The following ADORA1 variants were observed in gnomAD, a reference collection of about 807,000 sequenced individuals.
ADORA1 encodes the protein adenosine A1 receptor.
ADORA1 carries 6 observed loss-of-function variants against 19.9 expected under a neutral mutation model. The observed-to-expected ratio is 0.30, with a 90% CI of 0.17 to 0.59. The LOEUF (loss-of-function observed/expected upper bound fraction) is 0.59. Ranked by LOEUF, ADORA1 falls within the 20% of genes least tolerant of loss-of-function variation. The pLI is 0.87. For synonymous variants in ADORA1, 194 were observed against 188.4 expected (o/e 1.03, Z -0.24); for missense variants, 302 against 439.2 (o/e 0.69, Z 2.79).
chr1:203,146,315 T>C (rs1419801618), intron 3 of ADORA1, among the ~76,000 whole-genome samples: 1 of 152,146 alleles, frequency 6.6e-6, no homozygotes, highest in Non-Finnish European at 1.5e-5. Context: ...AGGGAGTTTC[T>C]AGGCTGAGGG....
In ADORA1 at chr1:203,128,336, A is replaced by G. The variant is rs192933709; in HGVS notation, c.-154A>G. On this transcript the variant is annotated 5_prime_UTR_variant, in exon 2 of 4. Transcript: ENST00000337894. The surrounding 1 kb of genome is among the most constrained non-coding windows in gnomAD (Gnocchi z 5.9). ...GACTATGAGCTGCCGCGCGTTGTCC[A>G]GAGCCCAGCCCAGCCCTACCGCGCG... is the stretch of plus-strand genomic sequence containing the variant. The G allele has an allele frequency of 4.6e-5, 59 of 1,288,938 alleles. No individual in the cohort carries two copies. In the Admixed American group the frequency reaches 1.3e-3, roughly 29 times the overall value. The allele number at this position is 1,288,938 out of a possible 1,614,324, so 79.8% of individuals were successfully genotyped here.
At position 203,129,150 on chromosome 1, in the gene ADORA1, G is replaced by A; in HGVS notation, c.309G>A (p.Val103=). ...SSILALLAIA[V]DRYLRVKIPL... ...TCCTGGCCCTGCTGGCAATTGCTGT[G>A]GACCGCTACCTCCGGGTCAAGATCC... is the stretch of plus-strand genomic sequence containing the variant. The change falls in exon 3 of 4, where the codon GTG becomes GTA. Residue 103 remains valine (V), a synonymous_variant. Coordinates refer to ENST00000337894, the MANE Select transcript of ADORA1 (RefSeq NM_000674.3). 1 of 1,613,466 alleles carries A rather than the reference G, an allele frequency of 6.2e-7. No individual in the cohort carries two copies. The highest frequency in any genetic ancestry group is 8.5e-7 in the Non-Finnish European group (1 of 1,179,680).
chr1:203,133,804 G>C (rs895406472), intron 3 of ADORA1, among the ~76,000 whole-genome samples: 1 of 152,268 alleles, frequency 6.6e-6, no homozygotes, highest in African/African-American at 2.4e-5. Context: ...TGGTGGAGGA[G>C]CTCGGCGTGC....
At position 203,127,770 on chromosome 1, in the gene ADORA1, T is replaced by A. The variant is rs1234590658; in HGVS notation, c.-371T>A. Reference sequence around the variant, plus strand: ...GGCGACAGAGCCGCAGGCGCCCGAGTCGAGTCCCAGCCAGCTACCATCCCT... The same window carrying A: ...GGCGACAGAGCCGCAGGCGCCCGAGACGAGTCCCAGCCAGCTACCATCCCT... On this transcript the variant is annotated 5_prime_UTR_variant, in exon 1 of 4. Coordinates refer to ENST00000337894, the MANE Select transcript of ADORA1 (RefSeq NM_000674.3). 6.6e-6 allele frequency: 1 copy of A among 152,044 alleles called. No homozygotes were observed. Among genetic ancestry groups the A allele is most frequent in the African/African-American group, 2.4e-5 (1 of 41,364 alleles). 9.4% of individuals were successfully genotyped at this position (152,044 alleles called of 1,614,324 possible). A position where few individuals can be genotyped will look rare whatever the true frequency, so the allele number is the denominator to read the frequency against.
In ADORA1 at chr1:203,150,820, C is replaced by T. The variant is rs1354805267; in HGVS notation, c.342-14441C>T. On this transcript the variant is annotated intron_variant, in intron 3 of 3. Coordinates refer to ENST00000337894, the MANE Select transcript of ADORA1 (RefSeq NM_000674.3). ...GTCTTCTCTGTCCTCCCCCTATCTG[C>T]TGTCTGTTGAATCTTTTCCAGGGCA... The T allele has an allele frequency of 3.1e-6, 4 of 1,285,634 alleles. No homozygotes were observed. The Admixed American group carries it at 9.2e-5, about 30-fold the overall frequency. 79.6% of individuals were successfully genotyped at this position (1,285,634 alleles called of 1,614,324 possible). A position where few individuals can be genotyped will look rare whatever the true frequency, so the allele number is the denominator to read the frequency against.
intron 3 of ADORA1, among the ~76,000 whole-genome samples, chr1:203,133,754 G>C (rs1654417106): frequency 6.6e-6 from 1 of 152,246 alleles, no homozygotes; most frequent in Non-Finnish European, 1.5e-5. Context: ...CTTGAAGCCT[G>C]CCCCACTGGG....
rs1050856697 is a variant in ADORA1 at position 203,166,198 on chromosome 1, G to A, written c.*298G>A. The A allele has an allele frequency of 1.1e-5, 3 of 284,008 alleles. No individual in the cohort carries two copies. Among genetic ancestry groups the A allele is most frequent in the South Asian group, 1.5e-4 (1 of 6,616 alleles). 17.6% of individuals were successfully genotyped at this position (284,008 alleles called of 1,614,324 possible). ...CTGACCATCCCATGAGCAGTCCAGAGCTTCAGGGCTGGGCAGGTCCTGGGG... is the reference window on the plus strand; with the variant it reads ...CTGACCATCCCATGAGCAGTCCAGAACTTCAGGGCTGGGCAGGTCCTGGGG... On this transcript the variant is annotated 3_prime_UTR_variant, in exon 4 of 4. Coordinates refer to ENST00000337894, the MANE Select transcript of ADORA1 (RefSeq NM_000674.3).
In ADORA1 at chr1:203,165,208, C is replaced by G. The variant is rs1425291025; in HGVS notation, c.342-53C>G. The G allele has an allele frequency of 6.3e-7, 1 of 1,599,956 alleles. No individual in the cohort carries two copies. Among genetic ancestry groups the G allele is most frequent in the Admixed American group, 1.7e-5 (1 of 57,602 alleles). ...GAGGCCAGGCGTGCCTCAGAGGGGC[C>G]TTTCGAGGCAGCTGGGAGGCAGATC... On this transcript the variant is annotated intron_variant, in intron 3 of 3. Coordinates refer to ENST00000337894, the MANE Select transcript of ADORA1 (RefSeq NM_000674.3). The surrounding 1 kb of genome is among the most constrained non-coding windows in gnomAD (Gnocchi z 5.9).
At chr1:203,155,390 CCTAA>C (rs1382425064) in intron 3 of ADORA1, among the ~76,000 whole-genome samples, 3 of 152,172 alleles carry the variant, frequency 2.0e-5, no homozygotes, top group Non-Finnish European at 4.4e-5. Flanking sequence ...TCTGAGTCAA[CCTAA>C]CTATCAGTCC....
chr1:203,147,731 T>C (rs56016695), intron 3 of ADORA1, among the ~76,000 whole-genome samples: 12,624 of 152,258 alleles, frequency 0.083, 982 homozygotes, highest in East Asian at 0.45. Context: ...CCACAGTCCC[T>C]GTCCTCAGTT....
intron 3 of ADORA1, among the ~76,000 whole-genome samples, chr1:203,142,551 A>G (rs1222497790): frequency 6.6e-6 from 1 of 152,224 alleles, no homozygotes; most frequent in East Asian, 1.9e-4. Context: ...ATTTAATTAA[A>G]ACATCCCTAA....
intron 3 of ADORA1, among the ~76,000 whole-genome samples, chr1:203,163,800 G>A (rs1655446463): frequency 6.6e-6 from 1 of 152,146 alleles, no homozygotes; most frequent in African/African-American, 2.4e-5. Flanking sequence ...TGTCCGGGGC[G>A]AGACAGACTT....
chr1:203,161,231 T>G (rs1187772556), intron 3 of ADORA1, among the ~76,000 whole-genome samples: 1 of 152,208 alleles, frequency 6.6e-6, no homozygotes, highest in Non-Finnish European at 1.5e-5. Context: ...GACTCAGTCT[T>G]TTCATGTTAT....
chr1:203,165,042 T>G lies in ADORA1; in HGVS notation c.342-219T>G. The G allele has an allele frequency of 6.5e-7, 1 of 1,549,788 alleles. No individual in the cohort carries two copies. Among genetic ancestry groups the G allele is most frequent in the Non-Finnish European group, 8.7e-7 (1 of 1,146,568 alleles). The stretch of plus-strand genomic sequence containing the variant: ...ATTATTTTTGTCATTAATCAGGATT[T>G]CCTCTCTCTGTAGGAGAATAAGCCA... On this transcript the variant is annotated intron_variant, in intron 3 of 3. Coordinates refer to ENST00000337894, the MANE Select transcript of ADORA1 (RefSeq NM_000674.3). The surrounding 1 kb of genome is among the most constrained non-coding windows in gnomAD (Gnocchi z 5.9).
intron 3 of ADORA1, chr1:203,152,576 G>A (rs537904269): frequency 2.5e-4 from 2 of 7,904 alleles, no homozygotes; most frequent in African/African-American, 2.7e-3. Flanking sequence ...ATGCAGATGG[G>A]ATGGTTTTTT....
Position 203,128,220 on chromosome 1 carries a change from T to C in ADORA1, c.-212-58T>C. The C allele has an allele frequency of 1.2e-6, 1 of 857,384 alleles. No homozygotes were observed. Among genetic ancestry groups the C allele is most frequent in the Middle Eastern group, 3.0e-4 (1 of 3,364 alleles). The allele number at this position is 857,384 out of a possible 1,614,324, so 53.1% of individuals were successfully genotyped here. Reference sequence around the variant, plus strand: ...AGTCCCAGGTGCGAAACAGGGGCGCTACCTCTTTAAAAGCGTCCGGGGCTG... The same window carrying C: ...AGTCCCAGGTGCGAAACAGGGGCGCCACCTCTTTAAAAGCGTCCGGGGCTG... On this transcript the variant is annotated intron_variant, in intron 1 of 3. Coordinates refer to ENST00000337894, the MANE Select transcript of ADORA1 (RefSeq NM_000674.3). This position sits in a 1 kb window ranked among gnomAD's most constrained non-coding sequence, Gnocchi z 5.9.
chr1:203,138,317 C>A (rs985366863), intron 3 of ADORA1, among the ~76,000 whole-genome samples: 1 of 151,946 alleles, frequency 6.6e-6, no homozygotes, highest in East Asian at 1.9e-4. Flanking sequence ...GAGGCCTGGG[C>A]GGGTGGTTGT....
intron 3 of ADORA1, among the ~76,000 whole-genome samples, chr1:203,164,332 A>T (rs922104526): frequency 1.3e-5 from 2 of 152,246 alleles, no homozygotes; most frequent in African/African-American, 4.8e-5. Context: ...AGATATGTAG[A>T]AGCAGGGATC....
chr1:203,150,813 CT>C (rs1303578508), intron 3 of ADORA1: 2 of 1,158,356 alleles, frequency 1.7e-6, no homozygotes, highest in Non-Finnish European at 1.1e-6. Flanking sequence ...TGTCCTCCCC[CT>C]ATCTGCTGTC....
Sources: allele counts gnomAD v4.1 joint callset (sites outside exome capture counted in the v4.1 genomes callset), GRCh38; gene constraint gnomAD v4.1.1; non-coding constraint Gnocchi (gnomAD v3.1); transcripts MANE v1.5; gene names NCBI Gene and HGNC (gene_info 2026-07-23, HGNC 2026-07-21).